Variants in FMN1 observed in about 807,000 individuals in gnomAD.
The protein encoded by FMN1 is formin 1, also known as formin-1.
A neutral mutation model predicts 132.4 loss-of-function variants in FMN1; 110 were observed. The observed-to-expected ratio is 0.83, with a 90% confidence interval of 0.71 to 0.97. FMN1 has a LOEUF of 0.97. Ranked by LOEUF, FMN1 falls within the 50% of genes least tolerant of loss-of-function variation. The pLI is 0.00. For synonymous variants in FMN1, 722 were observed against 651.7 expected, an observed-to-expected ratio of 1.11 and a Z score of -1.64; for missense variants, 1,792 against 1,705.3, an observed-to-expected ratio of 1.05 and a Z score of -0.90.
At chr15:32,959,594 T>TG (rs2030271682) in intron 9 of FMN1, among the ~76,000 whole-genome samples, 1 of 152,196 alleles carries the variant, frequency 6.6e-6, no homozygotes, top group Non-Finnish European at 1.5e-5. Flanking sequence ...ACGGATTCCA[T>TG]GGGGCAATGG....
chr15:32,940,249 A>T (rs1373962917), intron 9 of FMN1, among the ~76,000 whole-genome samples: 1 of 152,202 alleles, frequency 6.6e-6, no homozygotes, highest in Non-Finnish European at 1.5e-5. Flanking sequence ...TTATTCAGAG[A>T]AAAGTCAGGA....
At chr15:33,185,348 T>C (rs1399243966) in intron 2 of FMN1, among the ~76,000 whole-genome samples, 4 of 152,124 alleles carry the variant, frequency 2.6e-5, no homozygotes, top group Admixed American at 1.3e-4. Flanking sequence ...ATTCAAGGAA[T>C]CTATTGTTTC....
At chr15:32,945,421 CAA>C (rs1457689707) in intron 9 of FMN1, among the ~76,000 whole-genome samples, 1 of 152,116 alleles carries the variant, frequency 6.6e-6, no homozygotes, top group African/African-American at 2.4e-5. Context: ...CTCTAAATAA[CAA>C]AGTTTGCATG....
intron 17 of FMN1, among the ~76,000 whole-genome samples, chr15:32,809,285 C>T (rs1316190492): frequency 1.3e-5 from 2 of 152,118 alleles, no homozygotes; most frequent in African/African-American, 4.8e-5. Context: ...CTTCCTTAAC[C>T]TCTAGGCTCT....
intron 6 of FMN1, among the ~76,000 whole-genome samples, chr15:33,046,863 T>C (rs770134429): frequency 3.3e-5 from 5 of 152,240 alleles, no homozygotes; most frequent in Non-Finnish European, 7.3e-5. Flanking sequence ...GTAGCCAATC[T>C]GGTGTGGTTT....
At chr15:33,108,753 T>C (rs1164971211) in intron 4 of FMN1, among the ~76,000 whole-genome samples, 1 of 152,122 alleles carries the variant, frequency 6.6e-6, no homozygotes, top group Non-Finnish European at 1.5e-5. Flanking sequence ...CCTTGATTCA[T>C]TAGATGGTCA....
At chr15:32,774,898 G>A (rs892234887) in intron 20 of FMN1, among the ~76,000 whole-genome samples, 6 of 152,126 alleles carry the variant, frequency 3.9e-5, no homozygotes, top group Non-Finnish European at 8.8e-5. Context: ...TTCCTCCTCA[G>A]AGACTGCCTT....
chr15:32,943,345 A>G (rs1490125249), intron 9 of FMN1, among the ~76,000 whole-genome samples: 1 of 152,198 alleles, frequency 6.6e-6, no homozygotes, highest in Non-Finnish European at 1.5e-5. Context: ...TACAACTTCT[A>G]TTTTTGTGCC....
At chr15:33,016,326 C>T (rs1167270886) in intron 6 of FMN1, among the ~76,000 whole-genome samples, 1 of 152,160 alleles carries the variant, frequency 6.6e-6, no homozygotes, top group African/African-American at 2.4e-5. Context: ...AAGGCAGAGT[C>T]ACAAGTCATT....
chr15:33,050,901 C>A (rs1355905987), intron 6 of FMN1, among the ~76,000 whole-genome samples: 1 of 152,202 alleles, frequency 6.6e-6, no homozygotes, highest in Non-Finnish European at 1.5e-5. Context: ...GGAGAGTGCC[C>A]TGTATGCACT....
Position 32,801,773 on chromosome 15 carries a change from C to T in FMN1, c.3980+2508G>A, listed in dbSNP as rs543784530. Among the ~76,000 whole-genome samples the T allele has an allele frequency of 5.3e-5, 8 of 152,206 alleles. 1 individual carries two copies. The East Asian group carries it at 9.6e-4, about 18-fold the overall frequency. The stretch of plus-strand genomic sequence containing the variant: ...CTGCGCCACTGCAATCCAGCCTGGG[C>T]GACAGAATGAGACTCCGTCTCAAAA... On this transcript the variant is annotated intron_variant, in intron 18 of 20. Coordinates refer to ENST00000616417, the MANE Select transcript of FMN1 (RefSeq NM_001277313.2).
chr15:32,964,673 G>A (rs2031017425), intron 8 of FMN1, among the ~76,000 whole-genome samples: 1 of 152,194 alleles, frequency 6.6e-6, no homozygotes, highest in Non-Finnish European at 1.5e-5. Context: ...TTCTGAAGGA[G>A]ACTGAAAATG....
chr15:33,128,768 G>A (rs976496516), intron 4 of FMN1, among the ~76,000 whole-genome samples: 18 of 152,214 alleles, frequency 1.2e-4, no homozygotes, highest in Admixed American at 3.3e-4. Context: ...CTTAAAAGTG[G>A]TATGGACCCA....
At chr15:33,080,946 T>C (rs1163251915) in intron 5 of FMN1, among the ~76,000 whole-genome samples, 2 of 151,328 alleles carry the variant, frequency 1.3e-5, no homozygotes, top group Non-Finnish European at 2.9e-5. Flanking sequence ...CCTGTGGAAA[T>C]CTCCCCCACC....
At chr15:32,864,857 CCCAT>C (rs1430371486) in intron 16 of FMN1, among the ~76,000 whole-genome samples, 5 of 152,148 alleles carry the variant, frequency 3.3e-5, no homozygotes, top group Admixed American at 3.3e-4. Flanking sequence ...AATCCAAATG[CCCAT>C]CCATCGTCTG....
intron 3 of FMN1, among the ~76,000 whole-genome samples, chr15:33,155,292 T>C (rs1399417116): frequency 6.6e-6 from 1 of 152,150 alleles, no homozygotes; most frequent in African/African-American, 2.4e-5. Context: ...AAAGTTCCCT[T>C]TCCCTACATG....
rs368115751 is a variant in FMN1, at chr15:32,793,128, G to A, written c.4130+5676C>T. Among the ~76,000 whole-genome samples, 3 of 152,082 alleles carry A rather than the reference G, an allele frequency of 2.0e-5. 1 individual carries two copies. The South Asian group carries it at 6.2e-4, about 32-fold the overall frequency. ...GCTTTCAGAGAGAGGGCCAAGAGGT[G>A]TGTATAGTTTTTTAAACCAATGATC... On this transcript the variant is annotated intron_variant, in intron 19 of 20. Coordinates refer to ENST00000616417, the MANE Select transcript of FMN1 (RefSeq NM_001277313.2).
chr15:32,984,978 C>CA (rs11330959), intron 7 of FMN1, among the ~76,000 whole-genome samples: 1,021 of 97,210 alleles, frequency 0.011, 21 homozygotes, highest in African/African-American at 0.036. Context: ...CATCCATCAC[C>CA]AAAAAAAAAA....
intron 4 of FMN1, among the ~76,000 whole-genome samples, chr15:33,111,592 T>C (rs1364375957): frequency 6.7e-6 from 1 of 148,320 alleles, no homozygotes; most frequent in Non-Finnish European, 1.5e-5. Context: ...TGTCTACTTA[T>C]GAATGGATAA....
Sources: allele counts gnomAD v4.1 joint callset (sites outside exome capture counted in the v4.1 genomes callset), GRCh38; gene constraint gnomAD v4.1.1; transcripts MANE v1.5; gene names NCBI Gene and HGNC (gene_info 2026-07-23, HGNC 2026-07-21).